The following ZNF518A variants were observed in gnomAD, a reference collection of about 807,000 sequenced individuals.
ZNF518A encodes the protein zinc finger protein 518.
In ZNF518A, 47 loss-of-function variants were observed where a neutral mutation model predicts 102.7. That is an observed-to-expected ratio of 0.46 (90% CI 0.36 to 0.58). The LOEUF is 0.58. Ranked by LOEUF, ZNF518A falls within the 20% of genes least tolerant of loss-of-function variation. The pLI, the probability that ZNF518A is intolerant of heterozygous loss-of-function variation, is 0.00. For missense variants in ZNF518A, 1,793 were observed against 1,699.8 expected (o/e 1.05, Z -0.96); for synonymous variants, 652 against 594.6 (o/e 1.10, Z -1.40).
At chr10:96,191,850 C>A in intron 1 of ZNF518A, 1 of 1,330,648 alleles carries the variant, frequency 7.5e-7, no homozygotes, top group South Asian at 1.2e-5. Flanking sequence ...ATAGCTGACT[C>A]CATCTTCCAT....
intron 1 of ZNF518A, among the ~76,000 whole-genome samples, chr10:96,193,919 A>T (rs1277588724): frequency 3.3e-5 from 5 of 152,334 alleles, no homozygotes; most frequent in African/African-American, 9.6e-5. Context: ...TGTATAGGGG[A>T]CATAATCTTT....
At chr10:96,129,980 C>T (rs1046653679), upstream of ZNF518A, 3 of 152,694 alleles carry the variant, frequency 2.0e-5, no homozygotes, top group Non-Finnish European at 4.4e-5. Flanking sequence ...CCGTTCTCTT[C>T]CGCTTGTCTC....
Position 96,157,450 on chromosome 10 carries a change from A to G in ZNF518A, c.1128A>G (p.Arg376=). The G allele has an allele frequency of 6.2e-7, 1 of 1,613,722 alleles. No individual in the cohort carries two copies. Among genetic ancestry groups the G allele is most frequent in the Non-Finnish European group, 8.5e-7 (1 of 1,179,752 alleles). ...ATTTAAGTGAAGAAAAGGATGAAAG[A>G]CTACACTGTGAGAATAATGATAAAG... ...QEHLSEEKDE[R]LHCENNDKAP... The change falls in exon 6 of 6, where the codon AGA becomes AGG. Residue 376 remains arginine, a synonymous_variant. Coordinates refer to ENST00000316045, the MANE Select transcript of ZNF518A (RefSeq NM_001330736.2).
chr10:96,187,868 CAG>C (rs1281762367), intron 1 of ZNF518A, among the ~76,000 whole-genome samples: 3 of 152,206 alleles, frequency 2.0e-5, no homozygotes, highest in African/African-American at 7.2e-5. Flanking sequence ...TATTTTGAGA[CAG>C]AGTCTCACTC....
At chr10:96,148,806 C>T (rs1220303567) in intron 3 of ZNF518A, among the ~76,000 whole-genome samples, 1 of 152,214 alleles carries the variant, frequency 6.6e-6, no homozygotes, top group African/African-American at 2.4e-5. Context: ...AGCTCTGCCT[C>T]CCAGGTTCAC....
Position 96,156,249 on chromosome 10 carries a change from C to T in ZNF518A, c.-74C>T, listed in dbSNP as rs1036464967. ...TATTGAAGATGTCTCTACACAGTAT[C>T]GTTTCCTGTTTAAATTACAGATAAC... On this transcript the variant is annotated 5_prime_UTR_variant, in exon 6 of 6. Coordinates refer to ENST00000316045, the MANE Select transcript of ZNF518A (RefSeq NM_001330736.2). 1.8e-4 allele frequency: 262 copies of T among 1,437,188 alleles called. 1 individual carries two copies. The highest frequency in any genetic ancestry group is 4.8e-4 in the Middle Eastern group (2 of 4,128). The allele number at this position is 1,437,188 out of a possible 1,614,324, so 89.0% of individuals were successfully genotyped here. A position where few individuals can be genotyped will look rare whatever the true frequency, so the allele number is the denominator to read the frequency against.
At chr10:96,190,339 A>C in intron 1 of ZNF518A, 1 of 548,568 alleles carries the variant, frequency 1.8e-6, no homozygotes, top group South Asian at 1.9e-5. Flanking sequence ...GTGTCTCTTC[A>C]TATAGTCTTC....
At position 96,160,736 on chromosome 10, in the gene ZNF518A, T is replaced by C. The variant is rs782730928; in HGVS notation, c.4414T>C (p.Leu1472=). 90 of 1,601,338 alleles carry C rather than the reference T, an allele frequency of 5.6e-5. No individual in the cohort carries two copies. Among genetic ancestry groups the C allele is most frequent in the Non-Finnish European group, 7.3e-5 (86 of 1,175,842 alleles). ...TTGGGCTGGTCATGGGCAGAGACATTTAATGGAAGCTACTCGGGATTGGAA... is the reference window on the plus strand; with the variant it reads ...TTGGGCTGGTCATGGGCAGAGACATCTAATGGAAGCTACTCGGGATTGGAA... ...DTWAGHGQRH[L]MEATRDWNML... is the part of the protein sequence containing the mutation. The change falls in exon 6 of 6, where the codon TTA becomes CTA. Residue 1472 remains leucine (L), a synonymous_variant. Transcript: ENST00000316045.
intron 1 of ZNF518A, among the ~76,000 whole-genome samples, chr10:96,171,867 G>A (rs919212928): frequency 4.0e-5 from 6 of 151,840 alleles, no homozygotes; most frequent in East Asian, 1.9e-4. Flanking sequence ...ACATGTTATT[G>A]TCAGAATGTT....
intron 1 of ZNF518A, among the ~76,000 whole-genome samples, chr10:96,180,441 AC>A (rs1217228162): frequency 1.3e-5 from 2 of 151,560 alleles, no homozygotes; most frequent in African/African-American, 4.9e-5. Flanking sequence ...GGTTTGCTGC[AC>A]CCATTAACTC....
chr10:96,176,299 G>A (rs1054719010), intron 1 of ZNF518A, among the ~76,000 whole-genome samples: 1 of 152,122 alleles, frequency 6.6e-6, no homozygotes, highest in Non-Finnish European at 1.5e-5. Flanking sequence ...GCAATATTGA[G>A]TAGTAAAACA....
rs1351629381 is a variant in ZNF518A, at chr10:96,130,716, C to T, written c.-489C>T. On this transcript the variant is annotated 5_prime_UTR_variant, in exon 1 of 6. Coordinates refer to ENST00000316045, the MANE Select transcript of ZNF518A (RefSeq NM_001330736.2). ...CCATTTCTTGCAGAGATGCCCTGCT[C>T]CCTGACGCGCTCGCTCTTCTCCAGA... The T allele has an allele frequency of 6.6e-6, 1 of 152,320 alleles. No homozygotes were observed. The highest frequency in any genetic ancestry group is 2.4e-5 in the African/African-American group (1 of 41,456). The allele number at this position is 152,320 out of a possible 1,614,324, so 9.4% of individuals were successfully genotyped here.
chr10:96,132,155 G>C (rs1466528189), intron 1 of ZNF518A, among the ~76,000 whole-genome samples: 3 of 151,468 alleles, frequency 2.0e-5, no homozygotes, highest in Non-Finnish European at 4.4e-5. Context: ...TTATTATCTG[G>C]TCCCAGGTGT....
intron 3 of ZNF518A, among the ~76,000 whole-genome samples, chr10:96,143,028 G>A (rs1279317236): frequency 6.6e-6 from 1 of 152,018 alleles, no homozygotes; most frequent in Non-Finnish European, 1.5e-5. Flanking sequence ...GGCTGTTCTT[G>A]AACTCCTAAC....
intron 1 of ZNF518A, among the ~76,000 whole-genome samples, chr10:96,178,250 G>A (rs897994672): frequency 2.6e-5 from 4 of 152,050 alleles, no homozygotes; most frequent in African/African-American, 9.7e-5. Flanking sequence ...AATTCATGCA[G>A]AGTATGTTAT....
chr10:96,192,386 C>A (rs1270120388), intron 1 of ZNF518A, among the ~76,000 whole-genome samples: 1 of 152,000 alleles, frequency 6.6e-6, no homozygotes, highest in Non-Finnish European at 1.5e-5. Context: ...TTTTATTTAC[C>A]GTTAAATGTA....
At chr10:96,194,154 G>A (rs1461697508) in intron 1 of ZNF518A, among the ~76,000 whole-genome samples, 4 of 152,080 alleles carry the variant, frequency 2.6e-5, no homozygotes, top group Non-Finnish European at 1.5e-5. Context: ...AGCCCCTCAG[G>A]GAGTTCAAAA....
chr10:96,140,628 C>T (rs1423782989), intron 3 of ZNF518A, among the ~76,000 whole-genome samples: 3 of 152,050 alleles, frequency 2.0e-5, no homozygotes, highest in Non-Finnish European at 4.4e-5. Context: ...CCAATTCCTA[C>T]CTATTAAAAA....
intron 1 of ZNF518A, among the ~76,000 whole-genome samples, chr10:96,175,758 A>T (rs1189091405): frequency 2.0e-5 from 3 of 152,048 alleles, no homozygotes; most frequent in Non-Finnish European, 2.9e-5. Flanking sequence ...GCTCAGGAAG[A>T]CCATATATTT....
Sources: allele counts gnomAD v4.1 joint callset (sites outside exome capture counted in the v4.1 genomes callset), GRCh38; gene constraint gnomAD v4.1.1; transcripts MANE v1.5; gene names NCBI Gene and HGNC (gene_info 2026-07-23, HGNC 2026-07-21).